Variants in RIC8B observed in about 807,000 individuals in gnomAD.
RIC8B encodes the protein RIC8 guanine nucleotide exchange factor B.
In RIC8B, 16 loss-of-function variants were observed where a neutral mutation model predicts 57.5. The ratio of observed to expected loss-of-function variants is 0.28; its 90% confidence interval spans 0.19 to 0.42. The LOEUF is 0.42. Among genes scored for constraint, RIC8B ranks in the 10% least tolerant of loss-of-function variants. The pLI is 1.00. For missense variants in RIC8B, 481 were observed against 677.0 expected, an observed-to-expected ratio of 0.71 and a Z score of 3.21; for synonymous variants, 216 against 250.8, an observed-to-expected ratio of 0.86 and a Z score of 1.31.
At chr12:106,860,174 G>T (rs1310653395) in intron 7 of RIC8B, 94 bp from the exon 8 acceptor site, 32 of 1,083,742 alleles carry the variant, frequency 3.0e-5, no homozygotes, top group Non-Finnish European at 4.2e-5. Context: ...TACTGCCATA[G>T]TGTGTGTCTT....
intron 4 of RIC8B, among the ~76,000 whole-genome samples, chr12:106,830,754 C>T (rs1027182222): frequency 1.3e-5 from 2 of 152,156 alleles, no homozygotes; most frequent in African/African-American, 4.8e-5. Flanking sequence ...AAGACCCTCC[C>T]TCCCCCTCAT....
At chr12:106,871,115 G>A (rs573930990) in intron 9 of RIC8B, 173 bp downstream of exon 9, 2 of 494,230 alleles carry the variant, frequency 4.0e-6, no homozygotes, top group Non-Finnish European at 6.9e-6. Flanking sequence ...TTTTCTACAT[G>A]TGCCGCTTCT....
At chr12:106,848,007 C>T (rs538929357) in intron 6 of RIC8B, among the ~76,000 whole-genome samples, 7 of 152,116 alleles carry the variant, frequency 4.6e-5, no homozygotes, top group Admixed American at 1.3e-4. Context: ...ATACTACGTC[C>T]GGTGGTGACA....
At chr12:106,830,033 T>C (rs2046290140) in intron 4 of RIC8B, among the ~76,000 whole-genome samples, 1 of 152,232 alleles carries the variant, frequency 6.6e-6, no homozygotes, top group Non-Finnish European at 1.5e-5. Context: ...TCTATTTCAT[T>C]TGTCTGTATG....
chr12:106,830,214 G>A (rs528806051), intron 4 of RIC8B, among the ~76,000 whole-genome samples: 1 of 152,344 alleles, frequency 6.6e-6, no homozygotes, highest in South Asian at 2.1e-4. Context: ...CTAAAAAAGA[G>A]TGTCATGGGG....
At chr12:106,779,644 G>A (rs1324514690) in intron 1 of RIC8B, among the ~76,000 whole-genome samples, 3 of 148,352 alleles carry the variant, frequency 2.0e-5, no homozygotes, top group Admixed American at 6.7e-5. Context: ...AAAAAAAAAA[G>A]CCTGCACTTG....
chr12:106,842,005 CTGA>C (rs1446015601), intron 4 of RIC8B, among the ~76,000 whole-genome samples: 3 of 152,082 alleles, frequency 2.0e-5, no homozygotes, highest in Non-Finnish European at 2.9e-5. Context: ...ATTTAGAGAC[CTGA>C]TGATAAGAAA....
intron 9 of RIC8B, among the ~76,000 whole-genome samples, chr12:106,881,035 A>G (rs1950901415): frequency 6.6e-6 from 1 of 152,230 alleles, no homozygotes; most frequent in Non-Finnish European, 1.5e-5. Flanking sequence ...ATCAAGTACA[A>G]CTAAATTTAA....
At chr12:106,857,093 C>A (rs1425509730) in intron 7 of RIC8B, among the ~76,000 whole-genome samples, 1 of 151,998 alleles carries the variant, frequency 6.6e-6, no homozygotes, top group South Asian at 2.1e-4. Flanking sequence ...CCTTTAGGCC[C>A]CTGTTTTGGA....
At chr12:106,873,577 G>C (rs1247553219) in intron 9 of RIC8B, among the ~76,000 whole-genome samples, 1 of 152,142 alleles carries the variant, frequency 6.6e-6, no homozygotes, top group Non-Finnish European at 1.5e-5. Context: ...ACAATTCAGG[G>C]AACATTTACT....
chr12:106,815,265 C>T lies in RIC8B; in HGVS notation c.702C>T (p.Leu234=), dbSNP rs377351573. ...TDCAIEALKA[L]FNVTVDSWKV... ...GTGCCATTGAGGCCCTCAAAGCTCTCTTCAATGTGACGGTAGACAGTTGGA... is the reference window on the plus strand; with the variant it reads ...GTGCCATTGAGGCCCTCAAAGCTCTTTTCAATGTGACGGTAGACAGTTGGA... The change falls in exon 3 of 10, where the codon CTC becomes CTT. Residue 234 remains leucine, a synonymous_variant. Transcript: ENST00000392837. The T allele has an allele frequency of 6.2e-7, 1 of 1,613,918 alleles. No homozygotes were observed. Among genetic ancestry groups the T allele is most frequent in the Non-Finnish European group, 8.5e-7 (1 of 1,179,928 alleles).
chr12:106,868,306 T>C (rs1211577134), intron 8 of RIC8B: 2 of 456,738 alleles, frequency 4.4e-6, no homozygotes, highest in Non-Finnish European at 8.8e-6. Flanking sequence ...TACAGCTCCA[T>C]TGAATTTGAG....
chr12:106,796,265 C>T (rs1033603206), intron 2 of RIC8B, among the ~76,000 whole-genome samples: 14 of 152,050 alleles, frequency 9.2e-5, no homozygotes, highest in Non-Finnish European at 1.5e-4. Flanking sequence ...GGGCCAAGAG[C>T]GGTGGCTCAC....
chr12:106,865,263 A>ACTT (rs761648266), intron 8 of RIC8B, among the ~76,000 whole-genome samples: 1 of 152,112 alleles, frequency 6.6e-6, no homozygotes, highest in Non-Finnish European at 1.5e-5. Context: ...TCCTCACAAC[A>ACTT]CTTATTATTT....
chr12:106,884,752 C>T (rs1424113170), intron 9 of RIC8B, among the ~76,000 whole-genome samples: 3 of 152,180 alleles, frequency 2.0e-5, no homozygotes, highest in Admixed American at 2.0e-4. Context: ...GAGCTGTTCT[C>T]ACTCCTCCCC....
intron 1 of RIC8B, 59 bp downstream of exon 1, chr12:106,774,888 G>A (rs1449407637): frequency 3.1e-6 from 4 of 1,286,794 alleles, no homozygotes; most frequent in South Asian, 1.3e-5. Flanking sequence ...CTCCGTGCTT[G>A]CACATCGCAT....
At chr12:106,814,578 A>G in intron 2 of RIC8B, 118 bp from the exon 3 acceptor site, 1 of 1,101,592 alleles carries the variant, frequency 9.1e-7, no homozygotes, top group Non-Finnish European at 1.3e-6. Flanking sequence ...TTAAAAAATA[A>G]TAAAAACCTT....
intron 2 of RIC8B, among the ~76,000 whole-genome samples, chr12:106,812,053 C>T (rs987366742): frequency 1.8e-4 from 28 of 151,670 alleles, no homozygotes; most frequent in African/African-American, 2.7e-4. Context: ...TTATTTTTTA[C>T]GTGTTTTTGG....
chr12:106,815,246 T>C lies in RIC8B; in HGVS notation c.683T>C (p.Ile228Thr). The C allele has an allele frequency of 6.2e-7, 1 of 1,614,124 alleles. No homozygotes were observed. The highest frequency in any genetic ancestry group is 8.5e-7 in the Non-Finnish European group (1 of 1,180,006). The change falls in exon 3 of 10, where the codon ATT becomes ACT. Residue 228 changes from isoleucine (I) to threonine (T), a missense_variant. Transcript: ENST00000392837. ...TCACCTCAGGAGACAGACTGTGCCATTGAGGCCCTCAAAGCTCTCTTCAAT... is the reference window on the plus strand; with the variant it reads ...TCACCTCAGGAGACAGACTGTGCCACTGAGGCCCTCAAAGCTCTCTTCAAT... ...PLSPQETDCA[I>T]EALKALFNVT...
Sources: allele counts gnomAD v4.1 joint callset (sites outside exome capture counted in the v4.1 genomes callset), GRCh38; gene constraint gnomAD v4.1.1; transcripts MANE v1.5; gene names NCBI Gene and HGNC (gene_info 2026-07-23, HGNC 2026-07-21).